Variants in N4BP2 observed in about 807,000 individuals in gnomAD.
The protein encoded by N4BP2 is NEDD4 binding protein 2, also known as NEDD4-binding protein 2.
In N4BP2, 91 loss-of-function variants were observed where a neutral mutation model predicts 152.8. The observed-to-expected ratio is 0.60, with a 90% CI of 0.50 to 0.71. The LOEUF (loss-of-function observed/expected upper bound fraction) is 0.71. Ranked by LOEUF, N4BP2 falls within the 30% of genes least tolerant of loss-of-function variation. The pLI, the probability that N4BP2 is intolerant of heterozygous loss-of-function variation, is 0.00. For synonymous variants in N4BP2, 646 were observed against 705.3 expected, an observed-to-expected ratio of 0.92 and a Z score of 1.33; for missense variants, 1,923 against 2,059.1, an observed-to-expected ratio of 0.93 and a Z score of 1.28.
the N4BP2 span, among the ~76,000 whole-genome samples, chr4:40,176,187 C>T: frequency 2.0e-4 from 30 of 151,816 alleles, 1 homozygote; most frequent in African/African-American, 6.5e-4. Context: ...TAGTTGTGAT[C>T]ATATTTTATA....
intron 14 of N4BP2, among the ~76,000 whole-genome samples, chr4:40,141,536 G>A (rs1283297262): frequency 1.3e-5 from 2 of 151,724 alleles, no homozygotes; most frequent in Non-Finnish European, 1.5e-5. Context: ...GATGGCGGCC[G>A]GGAAGAGGCG....
At chr4:40,123,245 T>A (rs746733649) in intron 10 of N4BP2, 33 bp downstream of exon 10, 1 of 1,384,932 alleles carries the variant, frequency 7.2e-7, no homozygotes, top group Admixed American at 1.7e-5. Context: ...AGAGCTCCTT[T>A]TTTGTCCATT....
chr4:40,141,503 G>T (rs1360212736), intron 14 of N4BP2, among the ~76,000 whole-genome samples: 130 of 151,806 alleles, frequency 8.6e-4, no homozygotes, highest in African/African-American at 3.1e-3. Context: ...GCCGGGCAGA[G>T]GCGCTCCTCA....
At chr4:40,070,687 G>C (rs146767453) in intron 1 of N4BP2, among the ~76,000 whole-genome samples, 30 of 152,200 alleles carry the variant, frequency 2.0e-4, no homozygotes, top group African/African-American at 7.2e-4. Context: ...GTAGTCTCAA[G>C]TGATCCTCCT....
At chr4:40,082,557 T>C (rs1713490739) in intron 2 of N4BP2, among the ~76,000 whole-genome samples, 1 of 152,122 alleles carries the variant, frequency 6.6e-6, no homozygotes, top group Admixed American at 6.5e-5. Flanking sequence ...ACTAGGATTA[T>C]GTGGAAGAGT....
At chr4:40,123,418 TTAAG>T (rs1170174317) in intron 10 of N4BP2, among the ~76,000 whole-genome samples, 1 of 152,178 alleles carries the variant, frequency 6.6e-6, no homozygotes, top group Non-Finnish European at 1.5e-5. Context: ...TTTCAGTAGT[TTAAG>T]TATTTCCAGA....
At chr4:40,159,861 A>G (rs75145498), downstream of N4BP2, among the ~76,000 whole-genome samples, 1 of 152,154 alleles carries the variant, frequency 6.6e-6, no homozygotes, top group African/African-American at 2.4e-5. Context: ...AATCAAAAAA[A>G]GGAAATCACA....
chr4:40,137,148 T>C (rs1235166265), intron 14 of N4BP2, 66 bp downstream of exon 14: 1 of 1,240,452 alleles, frequency 8.1e-7, no homozygotes, highest in Non-Finnish European at 1.1e-6. Context: ...AATTGGTTCA[T>C]TGAGTATAAT....
intron 2 of N4BP2, among the ~76,000 whole-genome samples, chr4:40,094,919 G>A (rs1251574875): frequency 1.3e-5 from 2 of 151,866 alleles, no homozygotes; most frequent in Non-Finnish European, 2.9e-5. Context: ...TTAGCCTCTC[G>A]AGTAGCCGGG....
In N4BP2 at chr4:40,102,653, T is replaced by G; in HGVS notation, c.808T>G (p.Leu270Val). 6.2e-7 allele frequency: 1 copy of G among 1,614,178 alleles called. No homozygotes were observed. Among genetic ancestry groups the G allele is most frequent in the South Asian group, 1.1e-5 (1 of 91,082 alleles). ...SSLNQKQKEL[L>V]ESECVEAQFS... Reference sequence around the variant, plus strand: ...TCTCAATCAAAAACAGAAAGAACTTTTAGAATCTGAGTGCGTTGAGGCTCA... The same window carrying G: ...TCTCAATCAAAAACAGAAAGAACTTGTAGAATCTGAGTGCGTTGAGGCTCA... Residue 270 changes from leucine (L) to valine (V), a missense_variant, in exon 4 of 18, where the codon TTA (leucine) becomes GTA (valine). Leu to Val is a conservative substitution (Grantham distance 32, BLOSUM62 1). Coordinates refer to ENST00000261435, the MANE Select transcript of N4BP2 (RefSeq NM_018177.6).
chr4:40,097,985 T>C (rs1290030593), intron 3 of N4BP2, among the ~76,000 whole-genome samples: 1 of 152,168 alleles, frequency 6.6e-6, no homozygotes, highest in African/African-American at 2.4e-5. Flanking sequence ...CAATAAAAAA[T>C]GTCTCCATGT....
At chr4:40,152,990 G>A in intron 17 of N4BP2, 87 bp downstream of exon 17, 1 of 1,368,068 alleles carries the variant, frequency 7.3e-7, no homozygotes, top group Non-Finnish European at 1.0e-6. Flanking sequence ...TTCTGTTATT[G>A]ATAATAGCAA....
In N4BP2 at chr4:40,124,197, T is replaced by G. The variant is rs1718185483; in HGVS notation, c.4322T>G (p.Phe1441Cys). 4 of 1,606,778 alleles carry G rather than the reference T, an allele frequency of 2.5e-6. No individual in the cohort carries two copies. Among genetic ancestry groups the G allele is most frequent in the Non-Finnish European group, 2.6e-6 (3 of 1,174,956 alleles). Reference protein sequence around the residue: ...QRQEEVSCGKFMQDPSLVGHT... With the variant: ...QRQEEVSCGKCMQDPSLVGHT... ...CAAGAAGAGGTGTCTTGTGGCAAGTTTATGCAAGGTAAAGCACATGTTTTT... is the reference window on the plus strand; with the variant it reads ...CAAGAAGAGGTGTCTTGTGGCAAGTGTATGCAAGGTAAAGCACATGTTTTT... The change falls in exon 11 of 18, where the codon TTT (phenylalanine) becomes TGT (cysteine). Residue 1441 changes from phenylalanine (F) to cysteine (C), a missense_variant. By Grantham distance (205) the Phe-to-Cys change is radical (BLOSUM62 -2). Coordinates refer to ENST00000261435, the MANE Select transcript of N4BP2 (RefSeq NM_018177.6).
chr4:40,173,541 G>A, the N4BP2 span, among the ~76,000 whole-genome samples: 1 of 152,230 alleles, frequency 6.6e-6, no homozygotes, highest in African/African-American at 2.4e-5. Context: ...GGGCAGCCAA[G>A]TAAGGCTCAT....
Position 40,142,932 on chromosome 4 carries a change from A to C in N4BP2, c.4974+71A>C. 4.7e-6 allele frequency: 6 copies of C among 1,268,702 alleles called. No homozygotes were observed. The South Asian group carries it at 8.0e-5, about 17-fold the overall frequency. The allele number at this position is 1,268,702 out of a possible 1,614,324, so 78.6% of individuals were successfully genotyped here. ...TAAATACTCTTGAAGCAGATAAGAC[A>C]CCCATATTGTGACTAGATTAAGTTA... On this transcript the variant is annotated intron_variant, in intron 15 of 17. Transcript: ENST00000261435.
At chr4:40,082,974 A>C (rs1432747091) in intron 2 of N4BP2, 1 of 226,590 alleles carries the variant, frequency 4.4e-6, no homozygotes, top group Non-Finnish European at 8.9e-6. Flanking sequence ...TGCTGGGATT[A>C]CAAGTGTGAG....
At chr4:40,140,915 T>C (rs794007) in intron 14 of N4BP2, among the ~76,000 whole-genome samples, 102,875 of 138,722 alleles carry the variant, frequency 0.74, 38,412 homozygotes, top group East Asian at 0.96. Context: ...GGTAAGGTCA[T>C]AGATCAACAG....
chr4:40,138,680 T>C (rs1159638482), intron 14 of N4BP2, among the ~76,000 whole-genome samples: 1 of 152,260 alleles, frequency 6.6e-6, no homozygotes, highest in Non-Finnish European at 1.5e-5. Flanking sequence ...CATTGAATTT[T>C]CTTGGCACTC....
intron 7 of N4BP2, among the ~76,000 whole-genome samples, chr4:40,115,498 A>G (rs1717259712): frequency 6.6e-6 from 1 of 152,232 alleles, no homozygotes; most frequent in Non-Finnish European, 1.5e-5. Context: ...TCTGTCTCCC[A>G]ATAAAATAAA....
Sources: allele counts gnomAD v4.1 joint callset (sites outside exome capture counted in the v4.1 genomes callset), GRCh38; gene constraint gnomAD v4.1.1; transcripts MANE v1.5; gene names NCBI Gene and HGNC (gene_info 2026-07-23, HGNC 2026-07-21).